Variants in SLC45A2 observed in about 807,000 individuals in gnomAD.
SLC45A2 encodes the protein membrane-associated transporter protein.
In SLC45A2, 36 loss-of-function variants were observed where a neutral mutation model predicts 45.5. That is an observed-to-expected ratio of 0.79 (90% confidence interval 0.61 to 1.04). The LOEUF (loss-of-function observed/expected upper bound fraction) is 1.04, where lower values mean the gene tolerates loss of function less well. Among genes scored for constraint, SLC45A2 ranks in the 50% least tolerant of loss-of-function variants. The probability of loss-of-function intolerance (pLI) is 0.00; values close to 1 mark genes in which losing one functional copy is unlikely to be tolerated. For missense variants in SLC45A2, 719 were observed against 671.0 expected, an observed-to-expected ratio of 1.07 and a Z score of -0.79; for synonymous variants, 306 against 269.3, an observed-to-expected ratio of 1.14 and a Z score of -1.33.
At chr5:33,948,864 A>C (rs1046594098) in intron 5 of SLC45A2, among the ~76,000 whole-genome samples, 1 of 152,242 alleles carries the variant, frequency 6.6e-6, no homozygotes, top group East Asian at 1.9e-4. Context: ...TGGAAACATA[A>C]GTAACTTCAG....
At chr5:33,969,065 C>CTCTCTCTCTCTCTCTCTCTCTCTGTGTG in intron 2 of SLC45A2, among the ~76,000 whole-genome samples, 12 of 102,466 alleles carry the variant, frequency 1.2e-4, no homozygotes, top group African/African-American at 1.8e-4. Flanking sequence ...CTCTCTCTCT[C>CTCTCTCTCTCTCTCTCTCTCTCTGTGTG]TGTGTGTGTG....
At chr5:33,967,517 A>G (rs1752634318) in intron 2 of SLC45A2, among the ~76,000 whole-genome samples, 1 of 152,218 alleles carries the variant, frequency 6.6e-6, no homozygotes, top group Non-Finnish European at 1.5e-5. Flanking sequence ...TTGAGTGGCC[A>G]GGTGACAGCA....
At chr5:33,961,397 T>C (rs1752450968) in intron 3 of SLC45A2, among the ~76,000 whole-genome samples, 1 of 152,160 alleles carries the variant, frequency 6.6e-6, no homozygotes, top group Admixed American at 6.5e-5. Context: ...TAACTTTATT[T>C]CTAAAGTTAC....
At chr5:33,967,508 T>A (rs1752634030) in intron 2 of SLC45A2, among the ~76,000 whole-genome samples, 1 of 152,164 alleles carries the variant, frequency 6.6e-6, no homozygotes, top group African/African-American at 2.4e-5. Flanking sequence ...ATCACTCTTT[T>A]GAGTGGCCAG....
chr5:33,965,734 C>T (rs1752585976), intron 2 of SLC45A2, among the ~76,000 whole-genome samples: 1 of 152,192 alleles, frequency 6.6e-6, no homozygotes, highest in South Asian at 2.1e-4. Flanking sequence ...TAGACAATGA[C>T]TATTCAATTG....
chr5:33,956,608 A>G (rs904037469), intron 3 of SLC45A2, among the ~76,000 whole-genome samples: 2 of 152,208 alleles, frequency 1.3e-5, no homozygotes, highest in Non-Finnish European at 2.9e-5. Context: ...TTTGTCCACC[A>G]TAACAATGCT....
rs35919837 is a variant in SLC45A2, at chr5:33,952,674, GTT to G, written c.1033-999_1033-998del. Among the ~76,000 whole-genome samples, 801 of 134,220 alleles carry G rather than the reference GTT, an allele frequency of 6.0e-3. 6 individuals are homozygous for G. Among genetic ancestry groups the G allele is most frequent in the East Asian group, 0.022 (98 of 4,530 alleles). 88.1% of individuals were successfully genotyped at this position (134,220 alleles called of 152,430 possible). On this transcript the variant is annotated intron_variant, in intron 4 of 6. Transcript: ENST00000296589. ...ACAAGTTAATTTCTATTGAGCAAAAGTTTTTTTTTTTTTTTTAATTTTTTTTT... is the reference window on the plus strand; with the variant it reads ...ACAAGTTAATTTCTATTGAGCAAAAGTTTTTTTTTTTTTTAATTTTTTTTT...
intron 3 of SLC45A2, among the ~76,000 whole-genome samples, chr5:33,957,814 A>C (rs1311348039): frequency 6.6e-6 from 1 of 152,176 alleles, no homozygotes; most frequent in Non-Finnish European, 1.5e-5. Flanking sequence ...TATGCTTCTG[A>C]CTTATACATA....
intron 2 of SLC45A2, among the ~76,000 whole-genome samples, chr5:33,981,003 G>A (rs1011941055): frequency 2.0e-5 from 3 of 152,212 alleles, no homozygotes; most frequent in African/African-American, 7.2e-5. Context: ...CCCAGAGACA[G>A]AAGGACGCCA....
intron 2 of SLC45A2, among the ~76,000 whole-genome samples, chr5:33,964,568 A>G (rs759797878): frequency 1.3e-5 from 2 of 152,184 alleles, no homozygotes; most frequent in Non-Finnish European, 2.9e-5. Context: ...TTAGAAGCTC[A>G]AGGTACTTGT....
chr5:33,944,632 T>C lies in SLC45A2; in HGVS notation c.*16A>G. On this transcript the variant is annotated 3_prime_UTR_variant, in exon 7 of 7. Transcript: ENST00000296589. ...TTCACTGTCTCTGAGGTTAGGGTCA[T>C]TGTCTCTTTATTGACCTAATCCACA... The C allele has an allele frequency of 6.2e-7, 1 of 1,612,076 alleles. No homozygotes were observed. The highest frequency in any genetic ancestry group is 8.5e-7 in the Non-Finnish European group (1 of 1,178,262).
intron 5 of SLC45A2, among the ~76,000 whole-genome samples, chr5:33,949,964 G>T (rs1027205973): frequency 6.6e-6 from 1 of 152,014 alleles, no homozygotes; most frequent in Non-Finnish European, 1.5e-5. Context: ...GAGACAGGAG[G>T]ATCACTTGAG....
chr5:33,977,774 A>G (rs1028256823), intron 2 of SLC45A2, among the ~76,000 whole-genome samples: 1 of 152,194 alleles, frequency 6.6e-6, no homozygotes, highest in Non-Finnish European at 1.5e-5. Flanking sequence ...GAGCACAGAG[A>G]ATGTGGAAGG....
intron 2 of SLC45A2, among the ~76,000 whole-genome samples, chr5:33,978,511 T>A (rs1752992694): frequency 1.3e-5 from 2 of 152,148 alleles, no homozygotes; most frequent in African/African-American, 4.8e-5. Context: ...TCTGGAGGCC[T>A]CATCTACATA....
intron 1 of SLC45A2, among the ~76,000 whole-genome samples, 163 bp downstream of exon 1, chr5:33,984,036 C>T (rs937785489): frequency 1.3e-5 from 2 of 152,210 alleles, no homozygotes; most frequent in Non-Finnish European, 2.9e-5. Flanking sequence ...TCCCCAACCA[C>T]AGAATCTGGG....
chr5:33,944,862 G>A lies in SLC45A2; in HGVS notation c.1379C>T (p.Ala460Val), dbSNP rs748573899. 1.1e-5 allele frequency: 18 copies of A among 1,611,996 alleles called. No individual in the cohort carries two copies. The highest frequency in any genetic ancestry group is 1.0e-4 in the Admixed American group (6 of 59,770). ...GCTGTTGTCTGGGTCCCCTCCTGGG[G>A]CCTGCTGCCTCTGCAAAGGAAGCAC... is the stretch of plus-strand genomic sequence containing the variant. ...HREEEKERQQ[A>V]PGGDPDNSVR... Residue 460 changes from alanine to valine, a missense_variant, in exon 7 of 7, where the codon GCC (alanine) becomes GTC (valine). By Grantham distance (64) the Ala-to-Val change is moderately conservative (BLOSUM62 0). Transcript: ENST00000296589.
chr5:33,954,511 T>TAA lies in SLC45A2; in HGVS notation c.889-9_889-8dup, dbSNP rs1158215360. ...ATGTCATTGCCCTGCGAGTCTGAAA[T>TAA]AAAACATGAAACAGAGGTGTGATCT... is the stretch of plus-strand genomic sequence containing the variant. On this transcript the variant is annotated splice_polypyrimidine_tract_variant and splice_region_variant and intron_variant, in intron 3 of 6. Transcript: ENST00000296589. The TAA allele has an allele frequency of 6.8e-6, 11 of 1,613,502 alleles. No homozygotes were observed. Among genetic ancestry groups the TAA allele is most frequent in the Non-Finnish European group, 9.3e-6 (11 of 1,179,944 alleles).
chr5:33,974,876 A>C (rs186356861), intron 2 of SLC45A2, among the ~76,000 whole-genome samples: 163 of 152,102 alleles, frequency 1.1e-3, no homozygotes, highest in African/African-American at 3.8e-3. Flanking sequence ...GTAAACATTA[A>C]AGGAGAGACA....
In SLC45A2 at chr5:33,982,315, C is replaced by A. The variant is rs1053910513; in HGVS notation, c.483G>T (p.Gly161=). 54 of 1,614,096 alleles carry A rather than the reference C, an allele frequency of 3.3e-5. No individual in the cohort carries two copies. The highest frequency in any genetic ancestry group is 4.5e-5 in the Non-Finnish European group (53 of 1,180,022). The change falls in exon 2 of 7, where the codon GGG becomes GGT. Residue 161 remains glycine, a synonymous_variant. Coordinates refer to ENST00000296589, the MANE Select transcript of SLC45A2 (RefSeq NM_016180.5). The stretch of plus-strand genomic sequence containing the variant: ...CATCAAATAAGTAGGCTTTGATGGG[C>A]CCATCAATGAAGTCGGCAGCAAAAT... ...LFDFAADFID[G]PIKAYLFDVC...
Sources: gnomAD v4.1 joint callset for allele counts (sites outside exome capture counted in the v4.1 genomes callset) on GRCh38, gnomAD v4.1.1 for gene constraint, MANE v1.5 for transcripts, NCBI Gene and HGNC (gene_info 2026-07-23, HGNC 2026-07-21) for gene names.